The following PKD1L3 variants were observed in gnomAD, a reference collection of about 807,000 sequenced individuals.
PKD1L3 encodes polycystin-1-like protein 3.
Under a neutral mutation model 184.1 loss-of-function variants are expected in PKD1L3, and 239 were observed. The observed-to-expected ratio is 1.30, with a 90% CI of 1.17 to 1.45. PKD1L3 has a LOEUF of 1.45. Among genes scored for constraint, PKD1L3 ranks in the 40% most tolerant of loss-of-function variants. The pLI, the probability that PKD1L3 is intolerant of heterozygous loss-of-function variation, is 0.00. For synonymous variants in PKD1L3, 996 were observed against 778.8 expected (o/e 1.28, Z -4.64); for missense variants, 2,660 against 2,067.2 (o/e 1.29, Z -5.56).
intron 24 of PKD1L3, among the ~76,000 whole-genome samples, chr16:71,941,873 C>T (rs1021744879): frequency 6.6e-6 from 1 of 151,548 alleles, no homozygotes; most frequent in South Asian, 2.1e-4. Context: ...CATGAGCCAC[C>T]GTGCCCGACC....
intron 9 of PKD1L3, among the ~76,000 whole-genome samples, chr16:71,979,120 A>C (rs140215707): frequency 1.3e-5 from 2 of 152,192 alleles, no homozygotes; most frequent in Non-Finnish European, 2.9e-5. Flanking sequence ...TACTGAGTCA[A>C]TAATTATTTA....
chr16:71,968,839 A>G (rs909891397), intron 13 of PKD1L3, among the ~76,000 whole-genome samples: 2 of 152,008 alleles, frequency 1.3e-5, no homozygotes, highest in African/African-American at 4.8e-5. Context: ...CAAGCGATCC[A>G]CCTGCCTCGG....
At chr16:71,983,696 T>C (rs1160815412) in intron 6 of PKD1L3, among the ~76,000 whole-genome samples, 2 of 94,670 alleles carry the variant, frequency 2.1e-5, no homozygotes, top group Non-Finnish European at 4.0e-5. Flanking sequence ...GGAGACACAG[T>C]CTCTCAGCCA....
At chr16:71,941,174 T>C (rs544185833) in intron 24 of PKD1L3, among the ~76,000 whole-genome samples, 13 of 152,002 alleles carry the variant, frequency 8.6e-5, no homozygotes, top group East Asian at 1.9e-4. Context: ...CACTTGAACC[T>C]CTAATGCTGA....
intron 12 of PKD1L3, among the ~76,000 whole-genome samples, chr16:71,971,944 C>T (rs988909686): frequency 8.6e-5 from 13 of 152,036 alleles, no homozygotes; most frequent in African/African-American, 1.4e-4. Flanking sequence ...AGGCCGGGCA[C>T]GGTGGCTCAC....
chr16:71,983,654 A>AT (rs1555525072), intron 6 of PKD1L3, among the ~76,000 whole-genome samples: 1 of 104,862 alleles, frequency 9.5e-6, no homozygotes, highest in Non-Finnish European at 1.9e-5. Flanking sequence ...CAATCTCCAG[A>AT]TTCTCTTTCT....
intron 17 of PKD1L3, 51 bp from the exon 18 acceptor site, chr16:71,953,144 G>T: frequency 2.2e-6 from 3 of 1,358,886 alleles, no homozygotes; most frequent in Non-Finnish European, 2.9e-6. Flanking sequence ...TAAAATAATC[G>T]CAAAGTCATT....
chr16:71,995,546 C>G (rs1239857947), intron 2 of PKD1L3, among the ~76,000 whole-genome samples: 2 of 152,012 alleles, frequency 1.3e-5, no homozygotes, highest in African/African-American at 4.8e-5. Flanking sequence ...ATGTTCTGTA[C>G]CTTTATTTTC....
chr16:71,951,253 T>G (rs529923015), intron 19 of PKD1L3, among the ~76,000 whole-genome samples: 1 of 152,192 alleles, frequency 6.6e-6, no homozygotes, highest in Non-Finnish European at 1.5e-5. Context: ...TTGGCTAGGC[T>G]GGCCCTGATC....
At chr16:71,931,816 C>T (rs982807920) in intron 28 of PKD1L3, among the ~76,000 whole-genome samples, 1 of 152,100 alleles carries the variant, frequency 6.6e-6, no homozygotes, top group East Asian at 1.9e-4. Flanking sequence ...CTATATACAT[C>T]TCTCTTATAC....
chr16:71,954,313 A>T lies in PKD1L3; in HGVS notation c.2613-12T>A. ...AGGAAAACAGATGTCTGAAAAGAGAAATCAGAAGAGGAAATACATGAGATT... is the reference window on the plus strand; with the variant it reads ...AGGAAAACAGATGTCTGAAAAGAGATATCAGAAGAGGAAATACATGAGATT... On this transcript the variant is annotated splice_polypyrimidine_tract_variant and intron_variant, in intron 16 of 29. Transcript: ENST00000620267. 1 of 1,510,944 alleles carries T rather than the reference A, an allele frequency of 6.6e-7. No homozygotes were observed. Among genetic ancestry groups the T allele is most frequent in the Non-Finnish European group, 8.9e-7 (1 of 1,123,518 alleles). The allele number at this position is 1,510,944 out of a possible 1,614,324, so 93.6% of individuals were successfully genotyped here.
intron 9 of PKD1L3, 127 bp from the exon 10 acceptor site, chr16:71,978,510 TATATATATATAC>T (rs1287972143): frequency 4.8e-4 from 73 of 153,476 alleles, no homozygotes; most frequent in East Asian, 8.1e-4. Flanking sequence ...TATATATATA[TATATATATATAC>T]ATACATACAT....
Position 71,942,824 on chromosome 16 carries a change from G to C in PKD1L3, c.4060C>G (p.Leu1354Val), listed in dbSNP as rs1056569244. 1.3e-6 allele frequency: 2 copies of C among 1,551,604 alleles called. No homozygotes were observed. The highest frequency in any genetic ancestry group is 1.7e-6 in the Non-Finnish European group (2 of 1,146,950). The stretch of plus-strand genomic sequence containing the variant: ...CCACATTTGCAATGACTGGGCTCCA[G>C]GACTGCATTCTTACCTCTGTAATCC... The part of the protein sequence containing the change: ...YGDYRGKNAV[L>V]EPSHCKCGVQ... The change falls in exon 24 of 30, where the codon CTG becomes GTG. Residue 1354 changes from leucine to valine, a missense_variant. Leu to Val is a conservative substitution (Grantham distance 32). Coordinates refer to ENST00000620267, the MANE Select transcript of PKD1L3 (RefSeq NM_181536.2).
intron 16 of PKD1L3, among the ~76,000 whole-genome samples, chr16:71,959,084 CAAAA>C (rs34063785): frequency 1.3e-5 from 1 of 77,034 alleles, no homozygotes; most frequent in Admixed American, 1.7e-4. Flanking sequence ...ACTCCCGTCT[CAAAA>C]AAAAAAAAAA....
intron 19 of PKD1L3, among the ~76,000 whole-genome samples, chr16:71,951,340 G>A (rs2038825906): frequency 2.0e-5 from 3 of 152,136 alleles, no homozygotes; most frequent in Admixed American, 2.0e-4. Context: ...TCTGGCTTGT[G>A]TTTTTTTCTT....
intron 2 of PKD1L3, among the ~76,000 whole-genome samples, chr16:71,996,538 G>A (rs1260436304): frequency 6.6e-6 from 1 of 152,090 alleles, no homozygotes; most frequent in African/African-American, 2.4e-5. Context: ...GGGATTACAG[G>A]CATGAGCCAC....
intron 26 of PKD1L3, 138 bp from the exon 27 acceptor site, chr16:71,934,263 A>T (rs1032369106): frequency 9.4e-6 from 7 of 746,120 alleles, no homozygotes; most frequent in Non-Finnish European, 1.6e-5. Flanking sequence ...ACTGCTTTCT[A>T]TTGTGGCCTC....
At chr16:71,933,020 C>A (rs1337919228) in intron 28 of PKD1L3, among the ~76,000 whole-genome samples, 2 of 151,956 alleles carry the variant, frequency 1.3e-5, no homozygotes, top group African/African-American at 2.4e-5. Context: ...AAATTCTTGG[C>A]CTCAAGCAGT....
intron 22 of PKD1L3, 107 bp downstream of exon 22, chr16:71,947,385 G>T: frequency 2.8e-6 from 2 of 703,090 alleles, no homozygotes; most frequent in South Asian, 1.8e-5. Flanking sequence ...ATAACCAGTT[G>T]GTTAGAGACA....
Sources: gnomAD v4.1 joint callset for allele counts (sites outside exome capture counted in the v4.1 genomes callset) on GRCh38, gnomAD v4.1.1 for gene constraint, MANE v1.5 for transcripts, NCBI Gene and HGNC (gene_info 2026-07-23, HGNC 2026-07-21) for gene names.